ADGRB3: variants seen among roughly 807,000 people sequenced by gnomAD.
ADGRB3 encodes the protein adhesion G protein-coupled receptor B3.
Under a neutral mutation model 193.4 loss-of-function variants are expected in ADGRB3, and 37 were observed. That is an observed-to-expected ratio of 0.19 (90% CI 0.15 to 0.25). ADGRB3 has a LOEUF of 0.25. ADGRB3 is among the 10% of genes least tolerant of loss of function. ADGRB3 has a pLI of 1.00. For synonymous variants in ADGRB3, 690 were observed against 644.2 expected, an observed-to-expected ratio of 1.07 and a Z score of -1.08; for missense variants, 1,637 against 1,852.9, an observed-to-expected ratio of 0.88 and a Z score of 2.14.
chr6:68,982,319 T>C (rs1582369886), intron 10 of ADGRB3, among the ~76,000 whole-genome samples: 1 of 152,312 alleles, frequency 6.6e-6, no homozygotes, highest in Non-Finnish European at 1.5e-5. Context: ...TCCCAAAAAG[T>C]ATCCTTCCTT....
intron 3 of ADGRB3, among the ~76,000 whole-genome samples, chr6:68,910,280 G>C (rs1447366587): frequency 1.3e-5 from 2 of 151,892 alleles, no homozygotes; most frequent in Admixed American, 6.6e-5. Context: ...TAATTTGTTT[G>C]AGTTCATTGT....
At chr6:68,682,931 C>T (rs1205126878) in intron 3 of ADGRB3, among the ~76,000 whole-genome samples, 2 of 151,990 alleles carry the variant, frequency 1.3e-5, no homozygotes, top group Non-Finnish European at 2.9e-5. Flanking sequence ...GCACCTACCA[C>T]CACGCCTGAC....
chr6:69,031,668 T>G (rs1451952833), intron 13 of ADGRB3, among the ~76,000 whole-genome samples: 4 of 151,368 alleles, frequency 2.6e-5, no homozygotes, highest in Non-Finnish European at 5.9e-5. Flanking sequence ...AGGTTCTTAA[T>G]TTGTCACTCA....
chr6:68,685,283 G>A (rs1156622565), intron 3 of ADGRB3, among the ~76,000 whole-genome samples: 1 of 152,008 alleles, frequency 6.6e-6, no homozygotes, highest in Non-Finnish European at 1.5e-5. Flanking sequence ...ATAAATTATT[G>A]TCCTGAATTA....
rs116714423 is a variant in ADGRB3 at position 68,865,032 on chromosome 6, T to C, written c.758-65527T>C. Among the ~76,000 whole-genome samples the C allele has an allele frequency of 3.3e-3, 510 of 152,302 alleles. 4 individuals are homozygous for C. The highest frequency in any genetic ancestry group is 0.011 in the African/African-American group (443 of 41,564). On this transcript the variant is annotated intron_variant, in intron 3 of 31. Coordinates refer to ENST00000370598, the MANE Select transcript of ADGRB3 (RefSeq NM_001704.3). ...AGGAATGATGAAATTGCCTGCTTTCTATACTGAAGGCTAACTCTTGGTCTG... is the reference window on the plus strand; with the variant it reads ...AGGAATGATGAAATTGCCTGCTTTCCATACTGAAGGCTAACTCTTGGTCTG...
chr6:69,091,628 G>A (rs1013660675), intron 17 of ADGRB3, among the ~76,000 whole-genome samples: 5 of 151,962 alleles, frequency 3.3e-5, no homozygotes, highest in African/African-American at 7.3e-5. Flanking sequence ...AACACATACC[G>A]GGGTCTTTTG....
chr6:68,642,417 G>T (rs923344102), intron 3 of ADGRB3, among the ~76,000 whole-genome samples: 8 of 152,036 alleles, frequency 5.3e-5, no homozygotes, highest in African/African-American at 1.9e-4. Context: ...TTTGAGATAG[G>T]ATTTATGCTA....
At position 68,856,881 on chromosome 6, in the gene ADGRB3, T is replaced by C. The variant is rs143788378; in HGVS notation, c.758-73678T>C. Among the ~76,000 whole-genome samples, 1,346 of 152,302 alleles carry C rather than the reference T, an allele frequency of 8.8e-3. 34 individuals are homozygous for C. The highest frequency in any genetic ancestry group is 0.031 in the African/African-American group (1,285 of 41,556). On this transcript the variant is annotated intron_variant, in intron 3 of 31. Coordinates refer to ENST00000370598, the MANE Select transcript of ADGRB3 (RefSeq NM_001704.3). Reference sequence around the variant, plus strand: ...GGCCTAGGAGGAAAAGATGATTTCATGGGCCAGGCCCTGGGCTCTCCTGCT... The same window carrying C: ...GGCCTAGGAGGAAAAGATGATTTCACGGGCCAGGCCCTGGGCTCTCCTGCT...
intron 10 of ADGRB3, among the ~76,000 whole-genome samples, chr6:68,988,671 T>G (rs1034220321): frequency 1.3e-5 from 2 of 151,914 alleles, no homozygotes; most frequent in Non-Finnish European, 2.9e-5. Flanking sequence ...GCTATTGGAG[T>G]GTTAGATCAT....
intron 29 of ADGRB3, among the ~76,000 whole-genome samples, chr6:69,369,468 C>T (rs958672033): frequency 6.6e-6 from 1 of 152,052 alleles, no homozygotes; most frequent in Non-Finnish European, 1.5e-5. Context: ...GAGGCTGAAG[C>T]AGGTGGATCG....
rs1245341457 is a variant in ADGRB3 at position 69,339,003 on chromosome 6, C to T, written c.3276C>T (p.Ala1092=). 1 of 1,613,590 alleles carries T rather than the reference C, an allele frequency of 6.2e-7. No individual in the cohort carries two copies. Among genetic ancestry groups the T allele is most frequent in the Non-Finnish European group, 8.5e-7 (1 of 1,179,766 alleles). ...VSTTALSATT[A]SNAMASLWSS... ...CAACAGCTTTGTCAGCCACCACCGC[C>T]AGTAACGCCATGTTAGTCCCAATCA... The change falls in exon 25 of 32, where the codon GCC becomes GCT. Residue 1092 remains alanine (A), a synonymous_variant. Transcript: ENST00000370598.
At chr6:69,237,991 C>G (rs952278224) in intron 19 of ADGRB3, among the ~76,000 whole-genome samples, 24 of 152,152 alleles carry the variant, frequency 1.6e-4, no homozygotes, top group South Asian at 8.3e-4. Context: ...TTTTATATTA[C>G]AAAAACTCCT....
Position 68,762,556 on chromosome 6 carries a change from A to T in ADGRB3, c.757+123124A>T, listed in dbSNP as rs997679806. On this transcript the variant is annotated intron_variant, in intron 3 of 31. Transcript: ENST00000370598. ...AATTAGTGAAACAAAGAATTGTTGA[A>T]TAAATAGGACTAGTAAATTAATTAT... Among the ~76,000 whole-genome samples, 47 of 152,150 alleles carry T rather than the reference A, an allele frequency of 3.1e-4. 1 individual carries two copies. Among genetic ancestry groups the T allele is most frequent in the African/African-American group, 8.9e-4 (37 of 41,560 alleles).
chr6:69,170,862 G>A (rs1485407487), intron 17 of ADGRB3, among the ~76,000 whole-genome samples: 1 of 152,130 alleles, frequency 6.6e-6, no homozygotes, highest in Non-Finnish European at 1.5e-5. Flanking sequence ...CTTGAAGGTA[G>A]ATGAACTCAA....
intron 3 of ADGRB3, among the ~76,000 whole-genome samples, chr6:68,712,305 G>GC (rs1358634704): frequency 1.3e-5 from 2 of 151,860 alleles, no homozygotes; most frequent in Non-Finnish European, 2.9e-5. Context: ...AGCTATATTA[G>GC]CAATTTTGGT....
chr6:68,758,806 A>G (rs565950347), intron 3 of ADGRB3, among the ~76,000 whole-genome samples: 3 of 152,296 alleles, frequency 2.0e-5, no homozygotes, highest in African/African-American at 7.2e-5. Context: ...TTGTAGTATA[A>G]CAAATTGCTT....
At chr6:69,236,362 G>A (rs1185105745) in intron 19 of ADGRB3, among the ~76,000 whole-genome samples, 1 of 151,798 alleles carries the variant, frequency 6.6e-6, no homozygotes, top group Non-Finnish European at 1.5e-5. Context: ...CTGACAAAGT[G>A]GGACAATCTG....
chr6:68,919,060 C>A (rs1056580740), intron 3 of ADGRB3, among the ~76,000 whole-genome samples: 1 of 152,064 alleles, frequency 6.6e-6, no homozygotes, highest in African/African-American at 2.4e-5. Context: ...GCCTCACTCT[C>A]CTTCTCTATT....
chr6:68,855,458 A>G (rs1764956484), intron 3 of ADGRB3, among the ~76,000 whole-genome samples: 1 of 152,084 alleles, frequency 6.6e-6, no homozygotes, highest in South Asian at 2.1e-4. Flanking sequence ...GTGTTGACAT[A>G]ATTTCTAACA....
Sources: allele counts gnomAD v4.1 joint callset (sites outside exome capture counted in the v4.1 genomes callset), GRCh38; gene constraint gnomAD v4.1.1; transcripts MANE v1.5; gene names NCBI Gene and HGNC (gene_info 2026-07-23, HGNC 2026-07-21).